SOX6: variants seen among roughly 807,000 people sequenced by gnomAD.
SOX6 encodes the protein transcription factor SOX-6.
In SOX6, 11 loss-of-function variants were observed where a neutral mutation model predicts 97.8. The ratio of observed to expected loss-of-function variants is 0.11; its 90% confidence interval spans 0.07 to 0.19. SOX6 has a LOEUF of 0.19. Ranked by LOEUF, SOX6 falls within the 10% of genes least tolerant of loss-of-function variation. The pLI is 1.00. For missense variants in SOX6, 810 were observed against 1,039.5 expected (o/e 0.78, Z 3.04); for synonymous variants, 360 against 371.4 (o/e 0.97, Z 0.35).
At position 16,192,815 on chromosome 11, in the gene SOX6, C is replaced by T. The variant is rs534607799; in HGVS notation, c.536-5860G>A. On this transcript the variant is annotated intron_variant, in intron 4 of 15. Coordinates refer to ENST00000683767, the MANE Select transcript of SOX6 (RefSeq NM_001367873.1). ...TTACATCAGTTCACAAAAGTTAGCACTACAGTCTGCTAATTTTGCCCTTAT... is the reference window on the plus strand; with the variant it reads ...TTACATCAGTTCACAAAAGTTAGCATTACAGTCTGCTAATTTTGCCCTTAT... 3.0e-4 allele frequency among the ~76,000 whole-genome samples: 46 copies of T among 152,136 alleles called. No homozygotes were observed. The East Asian group carries it at 3.1e-3, about 10-fold the overall frequency.
intron 3 of SOX6, among the ~76,000 whole-genome samples, chr11:16,675,051 A>G (rs1040867502): frequency 6.6e-6 from 1 of 152,242 alleles, no homozygotes; most frequent in Non-Finnish European, 1.5e-5. Context: ...TCCACAAAAA[A>G]CTACTAGAAT....
In SOX6 at chr11:15,993,584, C is replaced by G. The variant is rs546974929; in HGVS notation, c.1733-4354G>C. Among the ~76,000 whole-genome samples the G allele has an allele frequency of 2.6e-5, 4 of 152,294 alleles. No individual in the cohort carries two copies. In the East Asian group the frequency reaches 7.7e-4, roughly 29 times the overall value. ...AAAGGCCAAGAGATCAACAGCACCACAGTAGGCTTCAAGGGAAAGCAAGGT... is the reference window on the plus strand; with the variant it reads ...AAAGGCCAAGAGATCAACAGCACCAGAGTAGGCTTCAAGGGAAAGCAAGGT... On this transcript the variant is annotated intron_variant, in intron 13 of 15. Coordinates refer to ENST00000683767, the MANE Select transcript of SOX6 (RefSeq NM_001367873.1).
chr11:16,255,158 T>G (rs968256023), intron 3 of SOX6, among the ~76,000 whole-genome samples: 7 of 152,098 alleles, frequency 4.6e-5, no homozygotes, highest in Non-Finnish European at 1.0e-4. Flanking sequence ...TTCACTATTA[T>G]AGTTGAAGAT....
At chr11:16,012,119 G>A (rs1211603606) in intron 13 of SOX6, among the ~76,000 whole-genome samples, 4 of 151,982 alleles carry the variant, frequency 2.6e-5, no homozygotes, top group Non-Finnish European at 5.9e-5. Flanking sequence ...TTAGACCAAA[G>A]ACTAAGTGAA....
At chr11:16,107,566 T>A (rs913718836) in intron 7 of SOX6, among the ~76,000 whole-genome samples, 1 of 151,526 alleles carries the variant, frequency 6.6e-6, no homozygotes, top group South Asian at 2.1e-4. Context: ...ATTCCAATTA[T>A]ATGAAGTACC....
At chr11:16,390,955 A>G (rs1377571774) in intron 1 of SOX6, among the ~76,000 whole-genome samples, 1 of 152,230 alleles carries the variant, frequency 6.6e-6, no homozygotes, top group Non-Finnish European at 1.5e-5. Flanking sequence ...ACGTCCATCA[A>G]TGATACACTG....
At chr11:15,981,073 GA>G (rs1853640200) in intron 15 of SOX6, among the ~76,000 whole-genome samples, 1 of 152,094 alleles carries the variant, frequency 6.6e-6, no homozygotes, top group East Asian at 1.9e-4. Context: ...AACAAAATAA[GA>G]AATCCAGCCA....
chr11:15,995,183 A>T (rs1175430558), intron 13 of SOX6, among the ~76,000 whole-genome samples: 1 of 152,192 alleles, frequency 6.6e-6, no homozygotes, highest in African/African-American at 2.4e-5. Flanking sequence ...ATTTCAGCTG[A>T]TGCCCTTTGC....
intron 6 of SOX6, among the ~76,000 whole-genome samples, chr11:16,141,506 G>A (rs148078176): frequency 0.01 from 1,588 of 152,208 alleles, 15 homozygotes; most frequent in Middle Eastern, 0.021. Context: ...GGGGCTTGTC[G>A]GACAGTGGGT....
intron 4 of SOX6, among the ~76,000 whole-genome samples, chr11:16,525,786 GA>G (rs1231349915): frequency 6.6e-6 from 1 of 151,622 alleles, no homozygotes; most frequent in Non-Finnish European, 1.5e-5. Flanking sequence ...AAATTTACAA[GA>G]AAAAAACAAA....
At chr11:16,304,803 G>T (rs1290766240) in intron 3 of SOX6, among the ~76,000 whole-genome samples, 1 of 152,018 alleles carries the variant, frequency 6.6e-6, no homozygotes, top group African/African-American at 2.4e-5. Flanking sequence ...GATTTGCAAA[G>T]CAATTCAATG....
chr11:16,725,053 C>A (rs1236887226), intron 2 of SOX6, among the ~76,000 whole-genome samples: 1 of 152,184 alleles, frequency 6.6e-6, no homozygotes, highest in Non-Finnish European at 1.5e-5. Context: ...CACAAAATCT[C>A]TTCTACACAA....
chr11:16,250,441 G>A (rs1048427965), intron 3 of SOX6, among the ~76,000 whole-genome samples: 3 of 151,914 alleles, frequency 2.0e-5, no homozygotes, highest in African/African-American at 4.8e-5. Context: ...AGTAAAAAGC[G>A]AATGAAAACC....
chr11:16,702,481 A>T (rs1848102047), intron 3 of SOX6, among the ~76,000 whole-genome samples: 1 of 152,164 alleles, frequency 6.6e-6, no homozygotes, highest in Non-Finnish European at 1.5e-5. Flanking sequence ...ACCAGCAAGT[A>T]ATGAGAATGC....
intron 6 of SOX6, among the ~76,000 whole-genome samples, chr11:16,169,646 A>C (rs1793906482): frequency 6.6e-6 from 1 of 152,114 alleles, no homozygotes; most frequent in South Asian, 2.1e-4. Context: ...TGTTGAAATA[A>C]AGATTCCCTC....
chr11:16,463,615 C>T (rs1418349759), intron 1 of SOX6, among the ~76,000 whole-genome samples: 1 of 152,180 alleles, frequency 6.6e-6, no homozygotes, highest in Non-Finnish European at 1.5e-5. Context: ...TTTTGGTTAA[C>T]TTCTCTATGC....
In SOX6 at chr11:16,246,096, C is replaced by A. The variant is rs1038680633; in HGVS notation, c.446-11425G>T. The stretch of plus-strand genomic sequence containing the variant: ...TATTTCATTATTTAAATGATTGATC[C>A]AGGGTTTATTATATGCATCTTTAAC... On this transcript the variant is annotated intron_variant, in intron 3 of 15. Coordinates refer to ENST00000683767, the MANE Select transcript of SOX6 (RefSeq NM_001367873.1). Among the ~76,000 whole-genome samples, 3 of 150,552 alleles carry A rather than the reference C, an allele frequency of 2.0e-5. No homozygotes were observed. In the South Asian group the frequency reaches 6.3e-4, roughly 32 times the overall value.
At chr11:16,229,439 T>C (rs1852783945) in intron 4 of SOX6, among the ~76,000 whole-genome samples, 2 of 151,630 alleles carry the variant, frequency 1.3e-5, no homozygotes. Flanking sequence ...AAAAGCAAAA[T>C]GAATTAATAG....
rs187320603 is a variant in SOX6 at position 16,531,828 on chromosome 11, T to A, written n.610-55440A>T. ...AATATACAATAACAAAACCTGGTTT[T>A]CCAGCCAGTTTGCTACTACATTGTT... On this transcript the variant is annotated intron_variant and non_coding_transcript_variant, in intron 4 of 5. Coordinates refer to the SOX6 transcript ENST00000524520. Among the ~76,000 whole-genome samples, 591 of 152,054 alleles carry A rather than the reference T, an allele frequency of 3.9e-3. 3 individuals carry two copies. The highest frequency in any genetic ancestry group is 0.014 in the African/African-American group (572 of 41,564).
Sources: gnomAD v4.1 joint callset for allele counts (sites outside exome capture counted in the v4.1 genomes callset) on GRCh38, gnomAD v4.1.1 for gene constraint, MANE v1.5 for transcripts, NCBI Gene and HGNC (gene_info 2026-07-23, HGNC 2026-07-21) for gene names.